The following PRKG1 variants were observed in gnomAD, a reference collection of about 807,000 sequenced individuals.
PRKG1 encodes the protein protein kinase cGMP-dependent 1.
Under a neutral mutation model 88.1 loss-of-function variants are expected in PRKG1, and 35 were observed. The ratio of observed to expected loss-of-function variants is 0.40; its 90% confidence interval spans 0.30 to 0.53. The LOEUF (loss-of-function observed/expected upper bound fraction) is 0.53, where lower values mean the gene tolerates loss of function less well. PRKG1 is among the 20% of genes least tolerant of loss of function. The probability of loss-of-function intolerance (pLI) is 0.59; values close to 1 mark genes in which losing one functional copy is unlikely to be tolerated. For synonymous variants in PRKG1, 303 were observed against 292.5 expected, an observed-to-expected ratio of 1.04 and a Z score of -0.37; for missense variants, 540 against 839.8, an observed-to-expected ratio of 0.64 and a Z score of 4.41.
chr10:51,515,429 A>G (rs1280672874), intron 3 of PRKG1, among the ~76,000 whole-genome samples: 1 of 152,214 alleles, frequency 6.6e-6, no homozygotes, highest in African/African-American at 2.4e-5. Context: ...TCCAAATAAT[A>G]TAATTCATGG....
At chr10:51,914,387 G>A (rs563674532) in intron 5 of PRKG1, among the ~76,000 whole-genome samples, 22 of 152,094 alleles carry the variant, frequency 1.4e-4, no homozygotes, top group Admixed American at 3.9e-4. Flanking sequence ...ATTCACAAAT[G>A]GGGGAGTAAA....
chr10:51,193,219 G>T lies in PRKG1; in HGVS notation c.478+39889G>T, dbSNP rs112027999. 1.9e-3 allele frequency among the ~76,000 whole-genome samples: 289 copies of T among 152,068 alleles called. 1 individual carries two copies. The highest frequency in any genetic ancestry group is 6.4e-3 in the African/African-American group (264 of 41,516). ...GAGTATGACAGTTTGGGGAATGAAG[G>T]TACTTGAATATAGCTCGAGCATAGA... On this transcript the variant is annotated intron_variant, in intron 2 of 17. Coordinates refer to ENST00000373980, the MANE Select transcript of PRKG1 (RefSeq NM_006258.4).
chr10:51,069,705 G>C (rs1450179775), upstream of PRKG1, among the ~76,000 whole-genome samples: 1 of 151,890 alleles, frequency 6.6e-6, no homozygotes, highest in East Asian at 1.9e-4. Context: ...GATCTTCCTT[G>C]GTTTTACTTT....
intron 3 of PRKG1, among the ~76,000 whole-genome samples, chr10:51,629,463 G>A (rs1839469123): frequency 6.6e-6 from 1 of 151,808 alleles, no homozygotes; most frequent in South Asian, 2.1e-4. Flanking sequence ...ATCTGGGGGT[G>A]ATGGGAGACA....
intron 5 of PRKG1, among the ~76,000 whole-genome samples, chr10:52,029,555 T>C (rs1181074560): frequency 6.6e-6 from 1 of 152,208 alleles, no homozygotes; most frequent in Non-Finnish European, 1.5e-5. Context: ...AAAGTCGATA[T>C]ACTTTACTGG....
At chr10:51,300,893 A>G (rs1239829058) in intron 2 of PRKG1, among the ~76,000 whole-genome samples, 1 of 152,238 alleles carries the variant, frequency 6.6e-6, no homozygotes, top group Admixed American at 6.5e-5. Flanking sequence ...GCAGCCTGAA[A>G]ATAGTGTGTC....
chr10:52,198,237 T>G (rs1346234835), intron 9 of PRKG1, among the ~76,000 whole-genome samples: 1 of 152,150 alleles, frequency 6.6e-6, no homozygotes, highest in East Asian at 1.9e-4. Flanking sequence ...TTGCATCTCT[T>G]AAGGGTATAA....
intron 4 of PRKG1, among the ~76,000 whole-genome samples, chr10:51,888,944 A>G (rs977535187): frequency 3.3e-5 from 5 of 152,214 alleles, no homozygotes; most frequent in African/African-American, 9.7e-5. Context: ...ATAGTTACAA[A>G]GTAACGTGAC....
chr10:51,861,968 G>A (rs1230921858), intron 4 of PRKG1, among the ~76,000 whole-genome samples: 1 of 152,120 alleles, frequency 6.6e-6, no homozygotes, highest in African/African-American at 2.4e-5. Context: ...TGTGGCAAGT[G>A]GTTTCCATGT....
chr10:51,965,887 C>T (rs75884457), intron 5 of PRKG1, among the ~76,000 whole-genome samples: 16,412 of 152,042 alleles, frequency 0.11, 957 homozygotes, highest in Admixed American at 0.14. Flanking sequence ...AATTAGAAAC[C>T]TTAAAATGTA....
chr10:52,269,877 G>C (rs1841671682), intron 10 of PRKG1, among the ~76,000 whole-genome samples: 1 of 152,024 alleles, frequency 6.6e-6, no homozygotes, highest in Non-Finnish European at 1.5e-5. Flanking sequence ...GCATGTGGAA[G>C]ATCCATGCCT....
At chr10:51,721,493 G>A (rs1434639750) in intron 3 of PRKG1, among the ~76,000 whole-genome samples, 2 of 152,090 alleles carry the variant, frequency 1.3e-5, no homozygotes, top group African/African-American at 4.8e-5. Flanking sequence ...CAGAACTAGA[G>A]AAATCTTTGG....
chr10:51,912,304 GA>G (rs1842236018), intron 5 of PRKG1, among the ~76,000 whole-genome samples: 1 of 152,194 alleles, frequency 6.6e-6, no homozygotes, highest in South Asian at 2.1e-4. Flanking sequence ...TCATGATAAG[GA>G]GTCTGGTTTT....
chr10:51,650,346 G>A (rs1840010219), intron 3 of PRKG1, among the ~76,000 whole-genome samples: 1 of 151,974 alleles, frequency 6.6e-6, no homozygotes, highest in Non-Finnish European at 1.5e-5. Context: ...TCTCAATTGT[G>A]TACTCCTTGA....
intron 2 of PRKG1, among the ~76,000 whole-genome samples, chr10:51,300,814 T>C (rs1840863601): frequency 6.6e-6 from 1 of 152,234 alleles, no homozygotes; most frequent in Admixed American, 6.5e-5. Flanking sequence ...CTCCTCCCTG[T>C]TAGCTTACCC....
chr10:51,596,951 A>C (rs1838465156), intron 3 of PRKG1, among the ~76,000 whole-genome samples: 2 of 152,314 alleles, frequency 1.3e-5, no homozygotes, highest in South Asian at 4.1e-4. Context: ...GTATGAAAAA[A>C]AGTGACTGCT....
chr10:51,175,903 A>G (rs981691263), intron 2 of PRKG1, among the ~76,000 whole-genome samples: 13 of 152,128 alleles, frequency 8.5e-5, no homozygotes, highest in African/African-American at 3.1e-4. Flanking sequence ...TGTATGCTCT[A>G]TGAGGACAGG....
Position 52,288,747 on chromosome 10 carries a change from T to G in PRKG1, c.1731T>G (p.Asp577Glu), listed in dbSNP as rs772335964. 1 of 1,591,716 alleles carries G rather than the reference T, an allele frequency of 6.3e-7. No individual in the cohort carries two copies. Among genetic ancestry groups the G allele is most frequent in the South Asian group, 1.2e-5 (1 of 85,608 alleles). Residue 577 changes from aspartate (D) to glutamate (E), a missense_variant, in exon 15 of 18, where the codon GAT (aspartate) becomes GAG (glutamate). By Grantham distance (45) the Asp-to-Glu change is conservative. Coordinates refer to ENST00000373980, the MANE Select transcript of PRKG1 (RefSeq NM_006258.4). The part of the protein sequence containing the change: ...LTGSPPFSGP[D>E]PMKTYNIILR... Reference sequence around the variant, plus strand: ...GCAGCCCACCTTTCTCAGGCCCAGATCCTATGAAAACCTATAACATCATAT... The same window carrying G: ...GCAGCCCACCTTTCTCAGGCCCAGAGCCTATGAAAACCTATAACATCATAT...
intron 4 of PRKG1, among the ~76,000 whole-genome samples, chr10:51,860,813 G>A (rs1840854615): frequency 5.9e-5 from 9 of 152,222 alleles, no homozygotes; most frequent in Admixed American, 5.9e-4. Flanking sequence ...ACCAAAGCAA[G>A]AGGAGGCAGA....
Sources: allele counts gnomAD v4.1 joint callset (sites outside exome capture counted in the v4.1 genomes callset), GRCh38; gene constraint gnomAD v4.1.1; transcripts MANE v1.5; gene names NCBI Gene and HGNC (gene_info 2026-07-23, HGNC 2026-07-21).